MEGF10: variants seen among roughly 807,000 people sequenced by gnomAD.
The protein encoded by MEGF10 is multiple EGF like domains 10, also known as multiple epidermal growth factor-like domains protein 10.
MEGF10 carries 86 observed loss-of-function variants against 147.5 expected under a neutral mutation model. That is an observed-to-expected ratio of 0.58 (90% CI 0.49 to 0.70). The LOEUF (loss-of-function observed/expected upper bound fraction) is 0.70, where lower values mean the gene tolerates loss of function less well. Ranked by LOEUF, MEGF10 falls within the 30% of genes least tolerant of loss-of-function variation. MEGF10 has a pLI of 0.00. For missense variants in MEGF10, 1,329 were observed against 1,487.3 expected (o/e 0.89, Z 1.75); for synonymous variants, 478 against 525.5 (o/e 0.91, Z 1.24).
chr5:127,243,320 T>C, the MEGF10 span, among the ~76,000 whole-genome samples: 1 of 152,184 alleles, frequency 6.6e-6, no homozygotes, highest in Non-Finnish European at 1.5e-5. Flanking sequence ...CATAGTAAAT[T>C]CAGGACTATT....
chr5:127,321,498 T>C (rs1433393900), intron 1 of MEGF10, among the ~76,000 whole-genome samples: 1 of 151,966 alleles, frequency 6.6e-6, no homozygotes, highest in Non-Finnish European at 1.5e-5. Context: ...ATAGATTTAG[T>C]TGACAGGAAA....
the MEGF10 span, among the ~76,000 whole-genome samples, chr5:127,238,275 C>T: frequency 3.8e-4 from 57 of 151,996 alleles, no homozygotes; most frequent in Admixed American, 1.3e-4. Flanking sequence ...AGGCTGGTCT[C>T]GAACTCCTGA....
intron 2 of MEGF10, among the ~76,000 whole-genome samples, chr5:127,335,945 GA>G (rs909242192): frequency 2.0e-5 from 3 of 150,862 alleles, no homozygotes; most frequent in African/African-American, 7.3e-5. Context: ...TAATGTGTAA[GA>G]AACAACAGAA....
intron 21 of MEGF10, among the ~76,000 whole-genome samples, chr5:127,448,349 A>G (rs2127030871): frequency 6.6e-6 from 1 of 152,308 alleles, no homozygotes; most frequent in Non-Finnish European, 1.5e-5. Flanking sequence ...ACAGATGAGG[A>G]AACTGAGTCA....
Position 127,369,940 on chromosome 5 carries a change from G to T in MEGF10, c.350G>T (p.Arg117Leu), listed in dbSNP as rs749238106. 1.9e-6 allele frequency: 3 copies of T among 1,611,746 alleles called. No individual in the cohort carries two copies. Among genetic ancestry groups the T allele is most frequent in the African/African-American group, 1.3e-5 (1 of 74,780 alleles). ...TGTGCTGATAAATGTGTCCATGGTC[G>T]CTGTATTGCTCCAAACACCTGTCAG... ...PHCADKCVHG[R>L]CIAPNTCQCE... Residue 117 changes from arginine to leucine, a missense_variant, in exon 5 of 25, where the codon CGC (arginine) becomes CTC (leucine). Transcript: ENST00000503335.
intron 4 of MEGF10, among the ~76,000 whole-genome samples, chr5:127,362,041 T>C (rs1762486108): frequency 6.6e-6 from 1 of 151,976 alleles, no homozygotes; most frequent in African/African-American, 2.4e-5. Flanking sequence ...ATCAAGTTGG[T>C]TTTTAGTTTC....
intron 21 of MEGF10, among the ~76,000 whole-genome samples, chr5:127,447,944 C>T (rs886221923): frequency 6.6e-6 from 1 of 151,796 alleles, no homozygotes; most frequent in Admixed American, 6.6e-5. Context: ...GAGTCAAAGT[C>T]TCTCTGTCTC....
chr5:127,299,304 C>T (rs1759661526), intron 1 of MEGF10, among the ~76,000 whole-genome samples: 1 of 152,174 alleles, frequency 6.6e-6, no homozygotes, highest in Admixed American at 6.5e-5. Context: ...TAATTCCCTT[C>T]CAGATCTAGA....
intron 4 of MEGF10, among the ~76,000 whole-genome samples, chr5:127,355,650 TTTGGGTCG>T (rs1762252920): frequency 6.6e-6 from 1 of 152,184 alleles, no homozygotes; most frequent in African/African-American, 2.4e-5. Context: ...TGCTTTCCAG[TTTGGGTCG>T]TTGGTCTCTG....
chr5:127,292,122 T>G (rs1490671122), intron 1 of MEGF10, among the ~76,000 whole-genome samples: 4 of 152,206 alleles, frequency 2.6e-5, no homozygotes, highest in Non-Finnish European at 5.9e-5. Context: ...AATGTCATCT[T>G]CCTGACACGA....
chr5:127,415,460 A>C (rs1404556149), intron 9 of MEGF10, among the ~76,000 whole-genome samples: 1 of 152,162 alleles, frequency 6.6e-6, no homozygotes, highest in Non-Finnish European at 1.5e-5. Context: ...TGGGCAGCAC[A>C]GTTGGAAGGC....
intron 9 of MEGF10, among the ~76,000 whole-genome samples, chr5:127,417,206 G>C (rs908231400): frequency 6.6e-6 from 1 of 152,174 alleles, no homozygotes. Flanking sequence ...CAGCTACCAG[G>C]TATAGGGAAC....
chr5:127,340,786 G>A (rs1016266495), intron 4 of MEGF10, among the ~76,000 whole-genome samples, 156 bp downstream of exon 4: 2 of 152,088 alleles, frequency 1.3e-5, no homozygotes, highest in African/African-American at 2.4e-5. Context: ...GTGTAATGAA[G>A]GAAACATTAA....
rs201517993 is a variant in MEGF10, at chr5:127,361,346, AT to A, written c.320-8563del. On this transcript the variant is annotated intron_variant, in intron 4 of 24. Transcript: ENST00000503335. ...TTTATTAACATTTACCTGTAAAAAA[AT>A]CTATAGATTTTATGGCGATATCACT... Among the ~76,000 whole-genome samples, 463 of 152,064 alleles carry A rather than the reference AT, an allele frequency of 3.0e-3. 3 individuals are homozygous for A. Among genetic ancestry groups the A allele is most frequent in the African/African-American group, 0.011 (449 of 41,556 alleles).
intron 1 of MEGF10, among the ~76,000 whole-genome samples, chr5:127,295,353 C>G (rs986272107): frequency 1.3e-5 from 2 of 152,172 alleles, no homozygotes; most frequent in African/African-American, 2.4e-5. Flanking sequence ...ATTTCAATAA[C>G]AGTTGACCAG....
chr5:127,350,677 C>A (rs963227853), intron 4 of MEGF10, among the ~76,000 whole-genome samples: 1 of 152,058 alleles, frequency 6.6e-6, no homozygotes, highest in Non-Finnish European at 1.5e-5. Flanking sequence ...GACCCCTGGG[C>A]CCTTCCCTTC....
intron 4 of MEGF10, among the ~76,000 whole-genome samples, chr5:127,363,655 G>A (rs35525): frequency 0.49 from 74,710 of 152,000 alleles, 18,547 homozygotes; most frequent in Middle Eastern, 0.68. Flanking sequence ...GACATTGGGT[G>A]TACAATTGGC....
At chr5:127,249,399 C>A in the MEGF10 span, among the ~76,000 whole-genome samples, 1 of 149,436 alleles carries the variant, frequency 6.7e-6, no homozygotes, top group South Asian at 2.1e-4. Flanking sequence ...AGAGAAATAC[C>A]CAATAGAGAT....
chr5:127,255,252 C>A, the MEGF10 span, among the ~76,000 whole-genome samples: 1 of 152,074 alleles, frequency 6.6e-6, no homozygotes, highest in Admixed American at 6.5e-5. Flanking sequence ...GTGATGTTAT[C>A]TATAGGGGCA....
Sources: gnomAD v4.1 joint callset for allele counts (sites outside exome capture counted in the v4.1 genomes callset) on GRCh38, gnomAD v4.1.1 for gene constraint, MANE v1.5 for transcripts, NCBI Gene and HGNC (gene_info 2026-07-23, HGNC 2026-07-21) for gene names.